Variants in TRHDE observed in about 807,000 individuals in gnomAD.
TRHDE encodes the protein thyrotropin-releasing hormone-degrading ectoenzyme.
A neutral mutation model predicts 125.7 loss-of-function variants in TRHDE; 72 were observed. The ratio of observed to expected loss-of-function variants is 0.57; its 90% CI spans 0.47 to 0.70. TRHDE has a LOEUF of 0.70. Among genes scored for constraint, TRHDE ranks in the 30% least tolerant of loss-of-function variants. The pLI is 0.00. For synonymous variants in TRHDE, 509 were observed against 509.1 expected (o/e 1.00, Z 0.00); for missense variants, 1,110 against 1,327.1 (o/e 0.84, Z 2.54).
At chr12:72,590,241 C>A (rs1871617104) in intron 12 of TRHDE, among the ~76,000 whole-genome samples, 1 of 151,766 alleles carries the variant, frequency 6.6e-6, no homozygotes, top group South Asian at 2.1e-4. Flanking sequence ...TATATGATTT[C>A]AAACTTTATA....
chr12:72,570,258 T>A (rs990886284), intron 10 of TRHDE, among the ~76,000 whole-genome samples: 5 of 152,296 alleles, frequency 3.3e-5, no homozygotes, highest in African/African-American at 9.6e-5. Flanking sequence ...TTATGCATGA[T>A]GTATTTTTAT....
chr12:72,361,480 A>G (rs1871077658), intron 2 of TRHDE, among the ~76,000 whole-genome samples: 2 of 151,682 alleles, frequency 1.3e-5, no homozygotes, highest in South Asian at 2.1e-4. Flanking sequence ...TCAACATTAA[A>G]TCTGTTTCAG....
At chr12:72,154,385 C>G (rs1024086319) in intron 2 of TRHDE, among the ~76,000 whole-genome samples, 1 of 152,174 alleles carries the variant, frequency 6.6e-6, no homozygotes, top group East Asian at 1.9e-4. Context: ...GAGCATTTAA[C>G]CCATTTACAT....
chr12:72,324,901 C>T (rs974789355), intron 2 of TRHDE, among the ~76,000 whole-genome samples: 2 of 152,016 alleles, frequency 1.3e-5, no homozygotes, highest in African/African-American at 4.8e-5. Flanking sequence ...CTGTCACAAA[C>T]ATCGTTCTAG....
intron 15 of TRHDE, among the ~76,000 whole-genome samples, chr12:72,623,130 A>G (rs1873120129): frequency 6.6e-6 from 1 of 152,038 alleles, no homozygotes; most frequent in South Asian, 2.1e-4. Context: ...TAATCAGACC[A>G]TGGAAGTAAA....
intron 5 of TRHDE, among the ~76,000 whole-genome samples, chr12:72,474,350 A>G (rs1001469397): frequency 2.0e-5 from 3 of 152,136 alleles, no homozygotes; most frequent in Non-Finnish European, 4.4e-5. Context: ...GAATATACAC[A>G]TTATGCTCTA....
At chr12:72,478,423 T>C (rs1876997632) in intron 5 of TRHDE, among the ~76,000 whole-genome samples, 1 of 152,162 alleles carries the variant, frequency 6.6e-6, no homozygotes, top group African/African-American at 2.4e-5. Context: ...TTATTTTTAC[T>C]CAACAGAAGT....
At chr12:72,152,063 T>A (rs1217337184) in intron 2 of TRHDE, among the ~76,000 whole-genome samples, 4 of 151,942 alleles carry the variant, frequency 2.6e-5, no homozygotes, top group Non-Finnish European at 4.4e-5. Context: ...GTATCCTCTT[T>A]TATTTCATTG....
At chr12:72,438,461 A>G (rs1318929843) in intron 3 of TRHDE, among the ~76,000 whole-genome samples, 1 of 151,804 alleles carries the variant, frequency 6.6e-6, no homozygotes, top group East Asian at 1.9e-4. Flanking sequence ...TTTTGATGAT[A>G]GCCATTCTAA....
chr12:72,604,399 T>A (rs1872342865), intron 12 of TRHDE, among the ~76,000 whole-genome samples: 1 of 151,896 alleles, frequency 6.6e-6, no homozygotes, highest in Admixed American at 6.6e-5. Context: ...GAAGATTTTA[T>A]CACTTTATCA....
At chr12:72,176,357 T>C (rs987924632) in intron 2 of TRHDE, among the ~76,000 whole-genome samples, 1 of 151,972 alleles carries the variant, frequency 6.6e-6, no homozygotes, top group East Asian at 1.9e-4. Context: ...CCCTACTTAG[T>C]CTAGATATGG....
chr12:72,514,303 G>A (rs1262933022), intron 6 of TRHDE, among the ~76,000 whole-genome samples: 1 of 152,086 alleles, frequency 6.6e-6, no homozygotes, highest in African/African-American at 2.4e-5. Context: ...TTGTGCATAT[G>A]ACTAAGACAC....
At chr12:72,111,708 A>G (rs1440857184) in intron 2 of TRHDE, among the ~76,000 whole-genome samples, 1 of 152,206 alleles carries the variant, frequency 6.6e-6, no homozygotes, top group Non-Finnish European at 1.5e-5. Flanking sequence ...AATAATTAAC[A>G]TAATACTTCT....
At chr12:72,312,045 A>G (rs573906033) in intron 2 of TRHDE, among the ~76,000 whole-genome samples, 117 of 152,316 alleles carry the variant, frequency 7.7e-4, no homozygotes, top group Admixed American at 1.5e-3. Context: ...TATGTTATAG[A>G]CACTTAAAAT....
intron 5 of TRHDE, among the ~76,000 whole-genome samples, chr12:72,493,968 T>G: frequency 6.6e-6 from 1 of 152,048 alleles, no homozygotes; most frequent in South Asian, 2.1e-4. Flanking sequence ...TTAACATTTG[T>G]TTTCGCCTTT....
chr12:72,120,741 C>T (rs1423785276), intron 2 of TRHDE, among the ~76,000 whole-genome samples: 1 of 143,908 alleles, frequency 6.9e-6, no homozygotes, highest in Non-Finnish European at 1.5e-5. Context: ...TGCAGTGGCA[C>T]AATCTTGGCT....
At chr12:72,291,943 A>G (rs1355375422) in intron 2 of TRHDE, among the ~76,000 whole-genome samples, 2 of 152,104 alleles carry the variant, frequency 1.3e-5, no homozygotes, top group African/African-American at 4.8e-5. Flanking sequence ...ACAAAGACCT[A>G]TTTTTCTTTT....
chr12:72,215,494 G>A (rs1020340821), intron 2 of TRHDE, among the ~76,000 whole-genome samples: 2 of 152,216 alleles, frequency 1.3e-5, no homozygotes, highest in African/African-American at 2.4e-5. Flanking sequence ...GTGATGGGAA[G>A]CACATGGGTT....
intron 2 of TRHDE, among the ~76,000 whole-genome samples, chr12:72,323,978 A>G (rs908196973): frequency 3.3e-5 from 5 of 152,048 alleles, no homozygotes; most frequent in African/African-American, 1.2e-4. Context: ...TTTGCTACAA[A>G]GTTTTATGCT....
Sources: gnomAD v4.1 joint callset for allele counts (sites outside exome capture counted in the v4.1 genomes callset) on GRCh38, gnomAD v4.1.1 for gene constraint, MANE v1.5 for transcripts, NCBI Gene and HGNC (gene_info 2026-07-23, HGNC 2026-07-21) for gene names.